Variants in ZNF652 observed in about 807,000 individuals in gnomAD.
ZNF652 encodes zinc finger protein 652.
In ZNF652, 16 loss-of-function variants were observed where a neutral mutation model predicts 45.2. The observed-to-expected ratio is 0.35, with a 90% CI of 0.24 to 0.54. The LOEUF is 0.54. ZNF652 is among the 20% of genes least tolerant of loss of function. The probability of loss-of-function intolerance (pLI) is 0.91; values close to 1 mark genes in which losing one functional copy is unlikely to be tolerated. For synonymous variants in ZNF652, 250 were observed against 260.6 expected, an observed-to-expected ratio of 0.96 and a Z score of 0.39; for missense variants, 614 against 765.6, an observed-to-expected ratio of 0.80 and a Z score of 2.34.
chr17:49,312,309 G>C (rs779475486), intron 3 of ZNF652, among the ~76,000 whole-genome samples: 11 of 151,964 alleles, frequency 7.2e-5, no homozygotes, highest in Non-Finnish European at 1.5e-4. Flanking sequence ...GGGATTACAG[G>C]CATGCGCCAC....
chr17:49,302,991 G>A (rs1171277638), intron 5 of ZNF652, among the ~76,000 whole-genome samples: 1 of 151,468 alleles, frequency 6.6e-6, no homozygotes, highest in Non-Finnish European at 1.5e-5. Flanking sequence ...AAAAAAGCAT[G>A]CATGGTATTA....
rs969776399 is a variant in ZNF652 at position 49,290,148 on chromosome 17, A to T, written c.*8265T>A. 1 of 152,276 alleles carries T rather than the reference A, an allele frequency of 6.6e-6. No individual in the cohort carries two copies. Among genetic ancestry groups the T allele is most frequent in the African/African-American group, 2.4e-5 (1 of 41,460 alleles). 9.4% of individuals were successfully genotyped at this position (152,276 alleles called of 1,614,324 possible). ...CACCTCTCTGTGCCTGGTATTGCTC[A>T]GGTTCAGACTTGGCTGGGGGTGAGG... is the stretch of plus-strand genomic sequence containing the variant. On this transcript the variant is annotated 3_prime_UTR_variant, in exon 6 of 6. Coordinates refer to ENST00000430262, the MANE Select transcript of ZNF652 (RefSeq NM_001145365.3).
At chr17:49,348,859 T>C (rs950278196) in intron 1 of ZNF652, among the ~76,000 whole-genome samples, 11 of 152,210 alleles carry the variant, frequency 7.2e-5, no homozygotes, top group Admixed American at 7.2e-4. Flanking sequence ...TGTTTTTTCT[T>C]ATGGAACTGC....
At chr17:49,336,836 G>A (rs1439245299) in intron 1 of ZNF652, among the ~76,000 whole-genome samples, 1 of 150,908 alleles carries the variant, frequency 6.6e-6, no homozygotes. Flanking sequence ...CATCATGTTG[G>A]ATCACGAGGT....
rs1452008773 is a variant in ZNF652 at position 49,361,928 on chromosome 17, CTCCGCCGCCCCG to C, written c.-290_-279del. On this transcript the variant is annotated 5_prime_UTR_variant, in exon 1 of 6. Coordinates refer to ENST00000430262, the MANE Select transcript of ZNF652 (RefSeq NM_001145365.3). ...ACTCACCCGGGCCGGCCGCCTCCGC[CTCCGCCGCCCCG>C]GCCGCCGCCTCGGCGGTCCATCCCT... The C allele has an allele frequency of 2.7e-5, 4 of 150,612 alleles. No homozygotes were observed. Among genetic ancestry groups the C allele is most frequent in the Non-Finnish European group, 5.9e-5 (4 of 67,638 alleles). The allele number at this position is 150,612 out of a possible 1,614,324, so 9.3% of individuals were successfully genotyped here.
chr17:49,348,780 A>G lies in ZNF652; in HGVS notation c.-259+13129T>C, dbSNP rs2070239457. Reference sequence around the variant, plus strand: ...ACAGGTAGGGAAGTGTAGTGAGTGTAGCAATCCTCCTGCCATGGCCTCCCA... The same window carrying G: ...ACAGGTAGGGAAGTGTAGTGAGTGTGGCAATCCTCCTGCCATGGCCTCCCA... On this transcript the variant is annotated intron_variant, in intron 1 of 5. Transcript: ENST00000430262. Among the ~76,000 whole-genome samples, 2 of 152,146 alleles carry G rather than the reference A, an allele frequency of 1.3e-5. 1 individual carries two copies. Among genetic ancestry groups the G allele is most frequent in the South Asian group, 4.1e-4 (2 of 4,834 alleles).
At chr17:49,303,516 A>G (rs2069583831) in intron 5 of ZNF652, among the ~76,000 whole-genome samples, 1 of 152,088 alleles carries the variant, frequency 6.6e-6, no homozygotes, top group Admixed American at 6.6e-5. Context: ...CTGAGATTAC[A>G]GGTGTGAGCC....
At position 49,292,015 on chromosome 17, in the gene ZNF652, G is replaced by C. The variant is rs1177733950; in HGVS notation, c.*6398C>G. ...CCTGTTGCCAGACAGGAAAGATGGA[G>C]AATGTATTAACAGCTGCCTTCTTAG... On this transcript the variant is annotated 3_prime_UTR_variant, in exon 6 of 6. Coordinates refer to ENST00000430262, the MANE Select transcript of ZNF652 (RefSeq NM_001145365.3). Among the ~76,000 whole-genome samples the C allele has an allele frequency of 6.6e-6, 1 of 152,124 alleles. No homozygotes were observed. Among genetic ancestry groups the C allele is most frequent in the Admixed American group, 6.5e-5 (1 of 15,268 alleles).
In ZNF652 at chr17:49,330,303, ATTATT is replaced by A. The variant is rs1406306436; in HGVS notation, c.-258-12325_-258-12321del. 4.6e-5 allele frequency among the ~76,000 whole-genome samples: 7 copies of A among 152,188 alleles called. No homozygotes were observed. The East Asian group carries it at 1.4e-3, about 29-fold the overall frequency. Reference sequence around the variant, plus strand: ...TTTTTGCAAAAACGTGGGCTATATTATTATTTTGAGATGGAGTCTCACTCTGCCAC... The same window carrying A: ...TTTTTGCAAAAACGTGGGCTATATTATTGAGATGGAGTCTCACTCTGCCAC... On this transcript the variant is annotated intron_variant, in intron 1 of 5. Transcript: ENST00000430262.
rs1414989374 is a variant in ZNF652 at position 49,298,778 on chromosome 17, C to T, written c.1456G>A (p.Ala486Thr). The T allele has an allele frequency of 3.1e-6, 5 of 1,613,886 alleles. No individual in the cohort carries two copies. Among genetic ancestry groups the T allele is most frequent in the Non-Finnish European group, 4.2e-6 (5 of 1,180,012 alleles). The change falls in exon 6 of 6, where the codon GCC becomes ACC. Residue 486 changes from alanine to threonine, a missense_variant. By Grantham distance (58) the Ala-to-Thr change is moderately conservative. This residue lies in a region of ZNF652 where 81 missense variants were observed against 167.0 expected (regional missense o/e 0.48). Transcript: ENST00000430262. ...QRFRFSNMLK[A>T]HKEKCFRVTS... ...ACCCGAAAGCACTTCTCCTTGTGGG[C>T]CTTAAGCATGTTCGAGAAGCGGAAC...
Position 49,311,333 on chromosome 17 carries a change from C to T in ZNF652, c.1288G>A (p.Glu430Lys). The change falls in exon 5 of 6, where the codon GAA (glutamate) becomes AAA (lysine). Residue 430 changes from glutamate (E) to lysine (K), a missense_variant. Around this residue, in one of 5 missense-constraint regions of ZNF652, gnomAD observed 81 missense variants for 167.0 expected, o/e 0.48. Coordinates refer to ENST00000430262, the MANE Select transcript of ZNF652 (RefSeq NM_001145365.3). ...TTACCAGTGTGTGTTTTCATGTGTT[C>T]GTCGAAGTACTGCTTCATGTTGAAA... ...KDFNMKQYFD[E>K]HMKTHTGEKP... 2 of 1,614,028 alleles carry T rather than the reference C, an allele frequency of 1.2e-6. No homozygotes were observed. The highest frequency in any genetic ancestry group is 1.7e-4 in the Middle Eastern group (1 of 6,060).
intron 1 of ZNF652, among the ~76,000 whole-genome samples, chr17:49,341,545 T>C (rs1220278049): frequency 1.4e-5 from 2 of 146,428 alleles, no homozygotes; most frequent in Non-Finnish European, 3.0e-5. Context: ...ATGCCAATAG[T>C]CCCAGCTACT....
chr17:49,314,488 A>AT (rs568175025), intron 2 of ZNF652, among the ~76,000 whole-genome samples: 11 of 151,810 alleles, frequency 7.2e-5, no homozygotes, highest in African/African-American at 2.7e-4. Flanking sequence ...ATTAAAGAAA[A>AT]TTTTTTTAGT....
intron 5 of ZNF652, among the ~76,000 whole-genome samples, chr17:49,308,059 A>C (rs570398936): frequency 6.6e-6 from 1 of 151,988 alleles, no homozygotes; most frequent in East Asian, 1.9e-4. Flanking sequence ...AAACTGAAGA[A>C]TTTTTTTTAA....
At chr17:49,340,284 G>T (rs779720430) in intron 1 of ZNF652, among the ~76,000 whole-genome samples, 2 of 151,932 alleles carry the variant, frequency 1.3e-5, no homozygotes, top group Non-Finnish European at 2.9e-5. Flanking sequence ...AGCTGGGCAC[G>T]GTGGCTCACA....
intron 2 of ZNF652, among the ~76,000 whole-genome samples, chr17:49,313,143 G>A (rs918592114): frequency 1.3e-5 from 2 of 152,156 alleles, no homozygotes; most frequent in African/African-American, 4.8e-5. Flanking sequence ...TTGTACCTAT[G>A]AAAAGAAACT....
At chr17:49,348,524 GA>G in intron 1 of ZNF652, among the ~76,000 whole-genome samples, 1 of 145,902 alleles carries the variant, frequency 6.9e-6, no homozygotes, top group Non-Finnish European at 1.5e-5. Flanking sequence ...GAAAAGAAAA[GA>G]AAAGAAAAGA....
chr17:49,318,832 C>T (rs2069847625), intron 1 of ZNF652, among the ~76,000 whole-genome samples: 1 of 152,172 alleles, frequency 6.6e-6, no homozygotes, highest in Non-Finnish European at 1.5e-5. Flanking sequence ...AGCTAATTGA[C>T]ATAACTATAG....
intron 5 of ZNF652, among the ~76,000 whole-genome samples, chr17:49,300,584 G>A (rs2069538900): frequency 6.6e-6 from 1 of 152,152 alleles, no homozygotes; most frequent in African/African-American, 2.4e-5. Context: ...GGGATGCTGA[G>A]GTGAGGCGGG....
Sources: allele counts gnomAD v4.1 joint callset (sites outside exome capture counted in the v4.1 genomes callset), GRCh38; gene constraint gnomAD v4.1.1; regional missense constraint gnomAD v4.1.1; transcripts MANE v1.5; gene names NCBI Gene and HGNC (gene_info 2026-07-23, HGNC 2026-07-21).